Variants in REC114 observed in about 807,000 individuals in gnomAD.
REC114 encodes the protein meiotic recombination protein REC114.
A neutral mutation model predicts 31.3 loss-of-function variants in REC114; 27 were observed. The ratio of observed to expected loss-of-function variants is 0.86; its 90% CI spans 0.64 to 1.19. The LOEUF (loss-of-function observed/expected upper bound fraction) is 1.19. Among genes scored for constraint, REC114 ranks in the 50% most tolerant of loss-of-function variants. The pLI is 0.00. For synonymous variants in REC114, 134 were observed against 127.7 expected, an observed-to-expected ratio of 1.05 and a Z score of -0.33; for missense variants, 344 against 326.9, an observed-to-expected ratio of 1.05 and a Z score of -0.40.
intron 3 of REC114, 97 bp downstream of exon 3, chr15:73,540,665 G>C: frequency 9.8e-7 from 1 of 1,020,256 alleles, no homozygotes; most frequent in East Asian, 2.4e-5. Flanking sequence ...CGGGTACTGG[G>C]AAGAATACAA....
intron 2 of REC114, among the ~76,000 whole-genome samples, chr15:73,525,547 C>T (rs1893993743): frequency 6.6e-6 from 1 of 151,600 alleles, no homozygotes; most frequent in African/African-American, 2.4e-5. Context: ...CATTTTCATT[C>T]AGTTTAAAAT....
intron 1 of REC114, among the ~76,000 whole-genome samples, chr15:73,455,261 A>G (rs1320623796): frequency 2.0e-5 from 3 of 152,216 alleles, no homozygotes; most frequent in Admixed American, 6.5e-5. Flanking sequence ...TTTTAAAAAT[A>G]TGTGGTACCT....
intron 2 of REC114, among the ~76,000 whole-genome samples, chr15:73,519,163 A>G (rs1893902752): frequency 1.3e-5 from 2 of 152,204 alleles, no homozygotes; most frequent in African/African-American, 4.8e-5. Flanking sequence ...CTAATCCTCA[A>G]TGGAATAGTA....
chr15:73,555,106 C>T (rs1894446590), intron 4 of REC114, among the ~76,000 whole-genome samples: 1 of 152,164 alleles, frequency 6.6e-6, no homozygotes, highest in Non-Finnish European at 1.5e-5. Flanking sequence ...TTGTTTGATG[C>T]TTCCAGGTCT....
intron 2 of REC114, among the ~76,000 whole-genome samples, chr15:73,491,984 A>C (rs2141303246): frequency 6.6e-6 from 1 of 152,234 alleles, no homozygotes; most frequent in East Asian, 1.9e-4. Flanking sequence ...TCTTGCTAAC[A>C]GTGGTACTGT....
intron 1 of REC114, among the ~76,000 whole-genome samples, chr15:73,457,896 T>G (rs1892938946): frequency 6.6e-6 from 1 of 152,216 alleles, no homozygotes; most frequent in African/African-American, 2.4e-5. Flanking sequence ...ACTGTGTGCT[T>G]CACACAGTCT....
chr15:73,551,900 C>T (rs1177145062), intron 4 of REC114, among the ~76,000 whole-genome samples: 2 of 152,154 alleles, frequency 1.3e-5, no homozygotes, highest in East Asian at 3.9e-4. Context: ...GCCACATGAG[C>T]TTCACAACTT....
At chr15:73,511,397 C>T (rs1567880369) in intron 2 of REC114, among the ~76,000 whole-genome samples, 2 of 151,840 alleles carry the variant, frequency 1.3e-5, no homozygotes, top group Non-Finnish European at 2.9e-5. Flanking sequence ...AAAACCAGCT[C>T]CTGGATTCAT....
Position 73,551,158 on chromosome 15 carries a change from G to C in REC114, c.546+8G>C. Reference sequence around the variant, plus strand: ...GTCCCACGGCAGCCTGGAGTAAGTAGGCTGATGTGTTGGTTATACAGGAAA... The same window carrying C: ...GTCCCACGGCAGCCTGGAGTAAGTACGCTGATGTGTTGGTTATACAGGAAA... On this transcript the variant is annotated splice_region_variant and intron_variant, in intron 4 of 5. Coordinates refer to ENST00000331090, the MANE Select transcript of REC114 (RefSeq NM_001042367.2). 1.9e-6 allele frequency: 3 copies of C among 1,590,480 alleles called. No individual in the cohort carries two copies. The highest frequency in any genetic ancestry group is 2.6e-6 in the Non-Finnish European group (3 of 1,168,304).
intron 2 of REC114, among the ~76,000 whole-genome samples, chr15:73,530,498 A>ATC (rs1464235960): frequency 6.6e-6 from 1 of 152,136 alleles, no homozygotes. Flanking sequence ...AAAATTTAAA[A>ATC]TTAGCTGGGC....
chr15:73,456,536 A>T (rs1316719567), intron 1 of REC114, among the ~76,000 whole-genome samples: 1 of 152,154 alleles, frequency 6.6e-6, no homozygotes, highest in African/African-American at 2.4e-5. Flanking sequence ...GTGCCTACAT[A>T]ATACCAAGTA....
chr15:73,551,851 C>T (rs1037486887), intron 4 of REC114, among the ~76,000 whole-genome samples: 2 of 152,172 alleles, frequency 1.3e-5, no homozygotes, highest in African/African-American at 2.4e-5. Flanking sequence ...AAAATTTAAG[C>T]TTCCAAGTGA....
intron 2 of REC114, among the ~76,000 whole-genome samples, chr15:73,498,867 A>T (rs1893565176): frequency 6.6e-6 from 1 of 152,148 alleles, no homozygotes; most frequent in South Asian, 2.1e-4. Context: ...CTATTAAGGG[A>T]TACTATTTTG....
intron 2 of REC114, among the ~76,000 whole-genome samples, chr15:73,527,377 A>C (rs1022158939): frequency 5.9e-5 from 9 of 152,136 alleles, no homozygotes; most frequent in African/African-American, 2.2e-4. Context: ...TTCCTCTCTT[A>C]AGTGCCCTGC....
chr15:73,557,429 A>AG (rs201422144), intron 5 of REC114, among the ~76,000 whole-genome samples: 57 of 151,420 alleles, frequency 3.8e-4, no homozygotes, highest in African/African-American at 1.4e-3. Context: ...AAAAAAAAAA[A>AG]AAAAGAAAAA....
At chr15:73,500,813 C>G (rs79247208) in intron 2 of REC114, among the ~76,000 whole-genome samples, 7,806 of 151,336 alleles carry the variant, frequency 0.052, 218 homozygotes, top group South Asian at 0.093. Context: ...CAGACTTCTC[C>G]CACTCCCTCC....
chr15:73,467,332 T>C (rs1428302684), intron 1 of REC114, among the ~76,000 whole-genome samples: 1 of 152,224 alleles, frequency 6.6e-6, no homozygotes, highest in African/African-American at 2.4e-5. Context: ...ATAAATTCTC[T>C]ACAGACCAAG....
intron 1 of REC114, among the ~76,000 whole-genome samples, chr15:73,451,106 G>T (rs1004510166): frequency 1.3e-5 from 2 of 152,106 alleles, no homozygotes; most frequent in Admixed American, 6.6e-5. Context: ...AAATTCAAAA[G>T]CTAGCAGAAG....
chr15:73,444,509 T>C (rs1370260061), intron 1 of REC114, among the ~76,000 whole-genome samples: 2 of 152,212 alleles, frequency 1.3e-5, no homozygotes, highest in Non-Finnish European at 2.9e-5. Flanking sequence ...TCTTCAAGTT[T>C]TATCGTAAAA....
Sources: gnomAD v4.1 joint callset for allele counts (sites outside exome capture counted in the v4.1 genomes callset) on GRCh38, gnomAD v4.1.1 for gene constraint, MANE v1.5 for transcripts, NCBI Gene and HGNC (gene_info 2026-07-23, HGNC 2026-07-21) for gene names.